TMCC3: variants seen among roughly 807,000 people sequenced by gnomAD.
TMCC3 encodes the protein transmembrane and coiled-coil domain protein 3.
Under a neutral mutation model 40.2 loss-of-function variants are expected in TMCC3, and 28 were observed. That is an observed-to-expected ratio of 0.70 (90% confidence interval 0.52 to 0.95). The LOEUF (loss-of-function observed/expected upper bound fraction) is 0.95. TMCC3 is among the 40% of genes least tolerant of loss of function. The pLI is 0.00. For missense variants in TMCC3, 554 were observed against 615.2 expected, an observed-to-expected ratio of 0.90 and a Z score of 1.05; for synonymous variants, 255 against 248.5, an observed-to-expected ratio of 1.03 and a Z score of -0.25.
chr12:94,614,740 CT>C (rs2068838175), intron 1 of TMCC3, among the ~76,000 whole-genome samples: 1 of 149,610 alleles, frequency 6.7e-6, no homozygotes, highest in African/African-American at 2.5e-5. Flanking sequence ...TGACTTTTTT[CT>C]TTTTTTAAAC....
At chr12:94,575,965 T>A (rs963104958) in intron 3 of TMCC3, among the ~76,000 whole-genome samples, 28 of 151,902 alleles carry the variant, frequency 1.8e-4, no homozygotes, top group Admixed American at 6.6e-4. Context: ...AAAAAAAAAA[T>A]TTTTTTCTAA....
At position 94,650,309 on chromosome 12, in the gene TMCC3, C is replaced by T. The variant is rs551672961; in HGVS notation, c.78+44G>A. ...GCCGCCGCCCCAGCCCGCCTCGCCC[C>T]CGGGCCCGCGCGCACCCGCCGCCCC... On this transcript the variant is annotated intron_variant, in intron 1 of 3. Transcript: ENST00000261226. 849 of 1,200,214 alleles carry T rather than the reference C, an allele frequency of 7.1e-4. 2 individuals are homozygous for T. The African/African-American group carries it at 0.012, about 17-fold the overall frequency. The allele number at this position is 1,200,214 out of a possible 1,614,324, so 74.3% of individuals were successfully genotyped here.
chr12:94,615,800 A>G, intron 1 of TMCC3: 1 of 489,888 alleles, frequency 2.0e-6, no homozygotes, highest in Non-Finnish European at 2.7e-6. Context: ...AAAGATAACT[A>G]TTAAGAGCAC....
chr12:94,649,899 C>T (rs931557749), intron 1 of TMCC3, among the ~76,000 whole-genome samples: 2 of 151,968 alleles, frequency 1.3e-5, no homozygotes, highest in African/African-American at 4.8e-5. Flanking sequence ...GCTCGGGTTC[C>T]GGCCACACGC....
chr12:94,599,379 C>T (rs1269948277), intron 1 of TMCC3, among the ~76,000 whole-genome samples: 3 of 152,110 alleles, frequency 2.0e-5, no homozygotes, highest in Non-Finnish European at 2.9e-5. Context: ...CAATCATTGT[C>T]CCCGCCGCCC....
At chr12:94,574,098 G>A (rs1271000054) in intron 3 of TMCC3, among the ~76,000 whole-genome samples, 1 of 152,164 alleles carries the variant, frequency 6.6e-6, no homozygotes, top group East Asian at 1.9e-4. Flanking sequence ...AGAATGTGAG[G>A]CTTGATGGGT....
At chr12:94,643,688 T>G (rs1219983304) in intron 1 of TMCC3, among the ~76,000 whole-genome samples, 1 of 152,246 alleles carries the variant, frequency 6.6e-6, no homozygotes, top group African/African-American at 2.4e-5. Context: ...AATGTGCATG[T>G]CATAAGAATT....
chr12:94,605,323 T>G (rs567794002), intron 1 of TMCC3, among the ~76,000 whole-genome samples: 2 of 152,358 alleles, frequency 1.3e-5, no homozygotes, highest in Non-Finnish European at 2.9e-5. Flanking sequence ...AGGTTCTTAT[T>G]AATTTTTTAA....
intron 1 of TMCC3, among the ~76,000 whole-genome samples, chr12:94,584,950 G>A (rs1421657994): frequency 6.6e-6 from 1 of 152,114 alleles, no homozygotes; most frequent in Non-Finnish European, 1.5e-5. Flanking sequence ...TCTAGTATCT[G>A]TGGCTCATTA....
intron 1 of TMCC3, among the ~76,000 whole-genome samples, chr12:94,628,997 T>TA (rs2068918109): frequency 6.6e-6 from 1 of 152,170 alleles, no homozygotes; most frequent in South Asian, 2.1e-4. Flanking sequence ...TGTTCCACTA[T>TA]AAAAACCTGC....
chr12:94,649,574 T>C (rs932661372), intron 1 of TMCC3, among the ~76,000 whole-genome samples: 2 of 152,212 alleles, frequency 1.3e-5, no homozygotes, highest in African/African-American at 4.8e-5. Flanking sequence ...ACATCCAGCC[T>C]CGACGATTCA....
Position 94,582,222 on chromosome 12 carries a change from T to C in TMCC3, c.395A>G (p.Lys132Arg). 2 of 1,614,118 alleles carry C rather than the reference T, an allele frequency of 1.2e-6. No individual in the cohort carries two copies. Among genetic ancestry groups the C allele is most frequent in the Non-Finnish European group, 1.7e-6 (2 of 1,179,958 alleles). ...GAGCTTTCGATGATACTGCTCTAACTTCTTCTGCAGCTGGGCGATGGAGTG... is the reference window on the plus strand; with the variant it reads ...GAGCTTTCGATGATACTGCTCTAACCTCTTCTGCAGCTGGGCGATGGAGTG... ...SAHSIAQLQK[K>R]LEQYHRKLRE... Residue 132 changes from lysine (K) to arginine (R), a missense_variant, in exon 2 of 4, where the codon AAG becomes AGG. Coordinates refer to ENST00000261226, the MANE Select transcript of TMCC3 (RefSeq NM_020698.4).
At chr12:94,634,125 A>G (rs955909367) in intron 1 of TMCC3, among the ~76,000 whole-genome samples, 1 of 151,900 alleles carries the variant, frequency 6.6e-6, no homozygotes, top group Admixed American at 6.6e-5. Context: ...TTGTATTTTT[A>G]GTAGAGATGA....
chr12:94,581,787 C>T lies in TMCC3; in HGVS notation c.830G>A (p.Gly277Glu). The T allele has an allele frequency of 2.5e-6, 4 of 1,614,166 alleles. No homozygotes were observed. Among genetic ancestry groups the T allele is most frequent in the Non-Finnish European group, 3.4e-6 (4 of 1,180,002 alleles). ...GCCCTGGCTGTCCAGTGTGCTGGCT[C>T]CACCAGCCCCAAACGACTGGTTTCC... The part of the protein sequence containing the change: ...SNGNQSFGAG[G>E]ASTLDSQGKL... The change falls in exon 2 of 4, where the codon GGA becomes GAA. Residue 277 changes from glycine to glutamate, a missense_variant. Coordinates refer to ENST00000261226, the MANE Select transcript of TMCC3 (RefSeq NM_020698.4).
chr12:94,597,312 C>A, intron 1 of TMCC3, among the ~76,000 whole-genome samples: 1 of 151,286 alleles, frequency 6.6e-6, no homozygotes, highest in African/African-American at 2.4e-5. Flanking sequence ...CAGACTCTGT[C>A]TCTAAGAAAG....
At chr12:94,604,413 T>A (rs2068770137) in intron 1 of TMCC3, among the ~76,000 whole-genome samples, 1 of 152,118 alleles carries the variant, frequency 6.6e-6, no homozygotes, top group South Asian at 2.1e-4. Flanking sequence ...GGGCATCTTT[T>A]GTGAACTAAG....
At chr12:94,574,314 G>A (rs2068550503) in intron 3 of TMCC3, among the ~76,000 whole-genome samples, 2 of 151,870 alleles carry the variant, frequency 1.3e-5, no homozygotes, top group South Asian at 4.2e-4. Flanking sequence ...CTTGAACCCA[G>A]GAGGCGGAGG....
At chr12:94,646,057 T>A (rs1214822324) in intron 1 of TMCC3, among the ~76,000 whole-genome samples, 1 of 152,196 alleles carries the variant, frequency 6.6e-6, no homozygotes, top group African/African-American at 2.4e-5. Context: ...CAAACAGCAC[T>A]GGTACAAGAT....
intron 1 of TMCC3, among the ~76,000 whole-genome samples, chr12:94,635,917 C>T (rs759294147): frequency 1.3e-5 from 2 of 152,090 alleles, no homozygotes; most frequent in African/African-American, 2.4e-5. Flanking sequence ...GATCCACCTG[C>T]CTCGGCCTCC....
Sources: gnomAD v4.1 joint callset for allele counts (sites outside exome capture counted in the v4.1 genomes callset) on GRCh38, gnomAD v4.1.1 for gene constraint, MANE v1.5 for transcripts, NCBI Gene and HGNC (gene_info 2026-07-23, HGNC 2026-07-21) for gene names.